The following FRAS1 variants were observed in gnomAD, a reference collection of about 807,000 sequenced individuals.
FRAS1 encodes Fraser extracellular matrix complex subunit 1, also known as extracellular matrix organizing protein FRAS1.
In FRAS1, 290 loss-of-function variants were observed where a neutral mutation model predicts 435.2. The observed-to-expected ratio is 0.67, with a 90% confidence interval of 0.61 to 0.73. The LOEUF is 0.73. Ranked by LOEUF, FRAS1 falls within the 30% of genes least tolerant of loss-of-function variation. The pLI is 0.00. For synonymous variants in FRAS1, 1,800 were observed against 1,851.0 expected, an observed-to-expected ratio of 0.97 and a Z score of 0.71; for missense variants, 4,860 against 5,001.5, an observed-to-expected ratio of 0.97 and a Z score of 0.85.
chr4:78,205,026 G>T (rs1287044845), intron 2 of FRAS1, among the ~76,000 whole-genome samples: 3 of 152,124 alleles, frequency 2.0e-5, no homozygotes, highest in Non-Finnish European at 2.9e-5. Flanking sequence ...AGCTCCAGGG[G>T]ACTTGCTGGG....
At chr4:78,133,965 TG>T (rs66845600) in intron 2 of FRAS1, among the ~76,000 whole-genome samples, 2,419 of 105,372 alleles carry the variant, frequency 0.023, 87 homozygotes, top group African/African-American at 0.07. Flanking sequence ...TTTTTTTTTT[TG>T]TTTTTTTTTT....
At chr4:78,538,440 A>G (rs1721950596) in intron 72 of FRAS1, among the ~76,000 whole-genome samples, 1 of 152,198 alleles carries the variant, frequency 6.6e-6, no homozygotes, top group African/African-American at 2.4e-5. Flanking sequence ...GTCCTTTTGA[A>G]AAGGACAGTG....
intron 1 of FRAS1, 114 bp from the exon 2 acceptor site, chr4:78,065,871 T>A (rs1489895744): frequency 1.3e-6 from 1 of 755,372 alleles, no homozygotes; most frequent in Non-Finnish European, 2.2e-6. Flanking sequence ...TGGAAGAAGC[T>A]CATTTTCCTG....
At chr4:78,059,248 C>T (rs1026410689) in intron 1 of FRAS1, among the ~76,000 whole-genome samples, 9 of 152,244 alleles carry the variant, frequency 5.9e-5, no homozygotes, top group African/African-American at 1.9e-4. Context: ...AAAGCTCTGC[C>T]TCGGGTCGAC....
At chr4:78,064,562 A>C (rs1739907318) in intron 1 of FRAS1, among the ~76,000 whole-genome samples, 1 of 151,902 alleles carries the variant, frequency 6.6e-6, no homozygotes, top group African/African-American at 2.4e-5. Context: ...TGATGCCTTC[A>C]TATTCTGGGT....
intron 9 of FRAS1, among the ~76,000 whole-genome samples, chr4:78,272,535 G>C (rs1578219585): frequency 6.6e-6 from 1 of 152,154 alleles, no homozygotes; most frequent in South Asian, 2.1e-4. Context: ...CATATGGCTA[G>C]CCAGTTTTCC....
Position 78,448,044 on chromosome 4 carries a change from T to C in FRAS1, c.6011-9T>C, listed in dbSNP as rs1026187406. 2.0e-5 allele frequency: 32 copies of C among 1,586,712 alleles called. No homozygotes were observed. The highest frequency in any genetic ancestry group is 2.6e-5 in the Non-Finnish European group (30 of 1,165,006). On this transcript the variant is annotated splice_polypyrimidine_tract_variant and intron_variant, in intron 43 of 73. Transcript: ENST00000512123. ...CCATTGTTTTGCTTTTCTTTACCTCTTCCCTCAGGTCATGTACTCTGGAGG... is the reference window on the plus strand; with the variant it reads ...CCATTGTTTTGCTTTTCTTTACCTCCTCCCTCAGGTCATGTACTCTGGAGG...
chr4:78,482,385 T>C lies in FRAS1; in HGVS notation c.8605-3T>C. Reference sequence around the variant, plus strand: ...GTCAAGTTTGCTTTGGTTTCTCTTCTAGTATTGCACCTTGACTATCTTGGA... The same window carrying C: ...GTCAAGTTTGCTTTGGTTTCTCTTCCAGTATTGCACCTTGACTATCTTGGA... On this transcript the variant is annotated splice_region_variant and splice_polypyrimidine_tract_variant and intron_variant, in intron 57 of 73. Transcript: ENST00000512123. 1 of 1,613,846 alleles carries C rather than the reference T, an allele frequency of 6.2e-7. No individual in the cohort carries two copies. The highest frequency in any genetic ancestry group is 8.5e-7 in the Non-Finnish European group (1 of 1,179,800).
chr4:78,108,631 C>T (rs1465272827), intron 2 of FRAS1, among the ~76,000 whole-genome samples: 1 of 81,730 alleles, frequency 1.2e-5, no homozygotes, highest in Non-Finnish European at 2.4e-5. Context: ...GCACTAAATG[C>T]CTACAAGAGA....
chr4:78,519,591 C>T (rs144348897), intron 67 of FRAS1, 110 bp downstream of exon 67: 47 of 1,315,456 alleles, frequency 3.6e-5, no homozygotes, highest in South Asian at 1.3e-4. Flanking sequence ...CCTGTTATCC[C>T]GAAGACAAAG....
chr4:78,308,816 C>CAAT (rs1728898991), intron 15 of FRAS1, among the ~76,000 whole-genome samples: 1 of 152,184 alleles, frequency 6.6e-6, no homozygotes, highest in South Asian at 2.1e-4. Flanking sequence ...GCACATTAGT[C>CAAT]AATCTCTGTG....
At chr4:78,367,163 G>C (rs1731303655) in intron 22 of FRAS1, among the ~76,000 whole-genome samples, 3 of 152,182 alleles carry the variant, frequency 2.0e-5, no homozygotes, top group Admixed American at 2.0e-4. Context: ...CCACCACTTA[G>C]GGAGAGCAAG....
Position 78,407,803 on chromosome 4 carries a change from T to G in FRAS1, c.4270T>G (p.Ser1424Ala). ...INEGIVWYRH[S>A]GAPAQSDSFR... Reference sequence around the variant, plus strand: ...TGAAGGCATCGTATGGTACAGGCACTCAGGAGCCCCAGCCCAGAGCGACTC... The same window carrying G: ...TGAAGGCATCGTATGGTACAGGCACGCAGGAGCCCCAGCCCAGAGCGACTC... The change falls in exon 31 of 74, where the codon TCA (serine) becomes GCA (alanine). Residue 1424 changes from serine to alanine, a missense_variant. Physicochemically the swap from Ser to Ala is moderately conservative, Grantham distance 99 (BLOSUM62 1). Coordinates refer to ENST00000512123, the MANE Select transcript of FRAS1 (RefSeq NM_025074.7). 1 of 1,610,954 alleles carries G rather than the reference T, an allele frequency of 6.2e-7. No homozygotes were observed. Among genetic ancestry groups the G allele is most frequent in the Non-Finnish European group, 8.5e-7 (1 of 1,178,272 alleles).
intron 2 of FRAS1, among the ~76,000 whole-genome samples, chr4:78,219,036 G>T (rs903994713): frequency 1.3e-5 from 2 of 152,132 alleles, no homozygotes; most frequent in Admixed American, 1.3e-4. Context: ...TTCAGCTCCA[G>T]TATAATTCAG....
chr4:78,112,042 C>A (rs143784833), intron 2 of FRAS1, among the ~76,000 whole-genome samples: 3 of 152,054 alleles, frequency 2.0e-5, no homozygotes, highest in Non-Finnish European at 2.9e-5. Context: ...CAGTTTTGTA[C>A]TGTATTGACA....
At chr4:78,243,304 A>C (rs1433407253) in intron 3 of FRAS1, among the ~76,000 whole-genome samples, 1 of 152,196 alleles carries the variant, frequency 6.6e-6, no homozygotes, top group African/African-American at 2.4e-5. Flanking sequence ...AATAAGTGTT[A>C]GCTATAATGA....
intron 56 of FRAS1, 146 bp downstream of exon 56, chr4:78,479,864 G>A: frequency 1.8e-6 from 1 of 545,282 alleles, no homozygotes; most frequent in Non-Finnish European, 3.1e-6. Context: ...ACTATATAAT[G>A]CTTGGCCAAG....
chr4:78,057,673 G>A lies in FRAS1; in HGVS notation c.-337G>A. 1 of 375,392 alleles carries A rather than the reference G, an allele frequency of 2.7e-6. No individual in the cohort carries two copies. The highest frequency in any genetic ancestry group is 4.8e-6 in the Non-Finnish European group (1 of 206,350). The allele number at this position is 375,392 out of a possible 1,614,324, so 23.3% of individuals were successfully genotyped here. Reference sequence around the variant, plus strand: ...GAGGGAAATGCTGGAAGATCCCATCGGCCAGTGACCAGCAACTTTCCGGCG... The same window carrying A: ...GAGGGAAATGCTGGAAGATCCCATCAGCCAGTGACCAGCAACTTTCCGGCG... On this transcript the variant is annotated 5_prime_UTR_variant, in exon 1 of 74. Coordinates refer to ENST00000512123, the MANE Select transcript of FRAS1 (RefSeq NM_025074.7). The surrounding 1 kb of genome is among the most constrained non-coding windows in gnomAD (Gnocchi z 4.2).
In FRAS1 at chr4:78,339,660, T is replaced by C. The variant is rs117152918; in HGVS notation, c.2422+1843T>C. On this transcript the variant is annotated intron_variant, in intron 20 of 73. Coordinates refer to ENST00000512123, the MANE Select transcript of FRAS1 (RefSeq NM_025074.7). ...TAGCACGTGGGCCATTCATGACTAG[T>C]GAGTCCTCTAACCTGGGTGACAAAC... Among the ~76,000 whole-genome samples the C allele has an allele frequency of 6.2e-4, 94 of 152,314 alleles. No individual in the cohort carries two copies. The East Asian group carries it at 0.014, about 22-fold the overall frequency.
Sources: allele counts gnomAD v4.1 joint callset (sites outside exome capture counted in the v4.1 genomes callset), GRCh38; gene constraint gnomAD v4.1.1; non-coding constraint Gnocchi (gnomAD v3.1); transcripts MANE v1.5; gene names NCBI Gene and HGNC (gene_info 2026-07-23, HGNC 2026-07-21).